The following PTPRD variants were observed in gnomAD, a reference collection of about 807,000 sequenced individuals.
PTPRD encodes protein tyrosine phosphatase receptor type D, also known as receptor-type tyrosine-protein phosphatase delta.
A neutral mutation model predicts 214.5 loss-of-function variants in PTPRD; 34 were observed. The ratio of observed to expected loss-of-function variants is 0.16; its 90% CI spans 0.12 to 0.21. The LOEUF is 0.21. Ranked by LOEUF, PTPRD falls within the 10% of genes least tolerant of loss-of-function variation. The pLI, the probability that PTPRD is intolerant of heterozygous loss-of-function variation, is 1.00. For missense variants in PTPRD, 2,545 were observed against 2,398.7 expected (o/e 1.06, Z -1.27); for synonymous variants, 1,128 against 845.7 (o/e 1.33, Z -5.79).
At chr9:10,362,865 G>T (rs954262977) in intron 2 of PTPRD, among the ~76,000 whole-genome samples, 1 of 152,170 alleles carries the variant, frequency 6.6e-6, no homozygotes, top group African/African-American at 2.4e-5. Flanking sequence ...GGGCGACAGA[G>T]TGAGACTTCA....
chr9:9,264,494 T>C (rs888530058), intron 9 of PTPRD, among the ~76,000 whole-genome samples: 2 of 151,420 alleles, frequency 1.3e-5, no homozygotes, highest in Non-Finnish European at 3.0e-5. Flanking sequence ...GAAAATATTT[T>C]TAAAAGATAA....
chr9:8,833,230 T>C (rs1017976744), intron 11 of PTPRD, among the ~76,000 whole-genome samples: 2 of 152,110 alleles, frequency 1.3e-5, no homozygotes, highest in Admixed American at 1.3e-4. Flanking sequence ...AATAACCATA[T>C]TGGACAGTAT....
At chr9:8,408,228 C>T (rs1002271230) in intron 35 of PTPRD, among the ~76,000 whole-genome samples, 54 of 152,260 alleles carry the variant, frequency 3.5e-4, no homozygotes, top group African/African-American at 1.3e-3. Context: ...GACCATGCAT[C>T]TTTTTTACTA....
chr9:8,547,360 G>A (rs1174195924), intron 14 of PTPRD, among the ~76,000 whole-genome samples: 2 of 152,138 alleles, frequency 1.3e-5, no homozygotes, highest in Non-Finnish European at 2.9e-5. Flanking sequence ...TAAAGATAGG[G>A]TTAAATAGGC....
intron 9 of PTPRD, among the ~76,000 whole-genome samples, chr9:9,258,100 GAT>G: frequency 6.7e-6 from 1 of 149,330 alleles, no homozygotes; most frequent in African/African-American, 2.4e-5. Flanking sequence ...GAGATAGATA[GAT>G]AGATAGATAG....
At chr9:9,901,164 C>G (rs2076310375) in intron 5 of PTPRD, among the ~76,000 whole-genome samples, 1 of 152,138 alleles carries the variant, frequency 6.6e-6, no homozygotes, top group African/African-American at 2.4e-5. Context: ...AGTGGATTTT[C>G]TGATATAACC....
intron 2 of PTPRD, among the ~76,000 whole-genome samples, chr9:10,454,359 T>C (rs2098887432): frequency 6.6e-6 from 1 of 151,640 alleles, no homozygotes; most frequent in Non-Finnish European, 1.5e-5. Context: ...TTTTACAGTC[T>C]AATCATGACA....
intron 2 of PTPRD, among the ~76,000 whole-genome samples, chr9:10,357,887 G>T (rs1408123651): frequency 1.3e-5 from 2 of 152,016 alleles, no homozygotes; most frequent in Non-Finnish European, 2.9e-5. Context: ...TAAAGAAAAA[G>T]AATTATATAA....
rs768402205 is a variant in PTPRD, at chr9:8,341,143, G to T, written c.5073C>A (p.Ile1691=). 2.5e-6 allele frequency: 4 copies of T among 1,612,710 alleles called. No individual in the cohort carries two copies. Among genetic ancestry groups the T allele is most frequent in the East Asian group, 4.5e-5 (2 of 44,834 alleles). The part of the protein sequence containing the change: ...YESTRVCLQP[I]RGVEGSDYIN... Reference sequence around the variant, plus strand: ...TGTAATCAGATCCTTCTACTCCACGGATAGGCTGCAGGCATACCCTTGTGG... The same window carrying T: ...TGTAATCAGATCCTTCTACTCCACGTATAGGCTGCAGGCATACCCTTGTGG... The change falls in exon 41 of 46, where the codon ATC becomes ATA. Residue 1691 remains isoleucine, a synonymous_variant. Coordinates refer to ENST00000381196, the MANE Select transcript of PTPRD (RefSeq NM_002839.4).
intron 11 of PTPRD, among the ~76,000 whole-genome samples, chr9:8,878,284 A>G (rs1327320172): frequency 6.6e-6 from 1 of 152,140 alleles, no homozygotes; most frequent in Non-Finnish European, 1.5e-5. Flanking sequence ...CCGGGCACAG[A>G]CAATACTTGG....
chr9:8,569,647 C>A (rs1594113071), intron 14 of PTPRD, among the ~76,000 whole-genome samples: 1 of 152,058 alleles, frequency 6.6e-6, no homozygotes, highest in East Asian at 1.9e-4. Flanking sequence ...GATTCCTTTT[C>A]ATTTATCTAA....
chr9:9,316,083 A>T (rs1028458389), intron 9 of PTPRD, among the ~76,000 whole-genome samples: 1 of 151,990 alleles, frequency 6.6e-6, no homozygotes, highest in African/African-American at 2.4e-5. Flanking sequence ...AAAACTCTAC[A>T]TATTGACAGT....
At chr9:8,561,655 T>C (rs1257055553) in intron 14 of PTPRD, among the ~76,000 whole-genome samples, 1 of 151,952 alleles carries the variant, frequency 6.6e-6, no homozygotes, top group South Asian at 2.1e-4. Flanking sequence ...ACCCTGCAAA[T>C]TGTCAGAAAA....
chr9:9,025,852 G>T (rs144786949), intron 10 of PTPRD, among the ~76,000 whole-genome samples: 1 of 152,018 alleles, frequency 6.6e-6, no homozygotes, highest in East Asian at 1.9e-4. Context: ...TGGATATTTA[G>T]CACTTAATAT....
chr9:8,347,777 C>T (rs1243235478), intron 39 of PTPRD, among the ~76,000 whole-genome samples: 1 of 152,156 alleles, frequency 6.6e-6, no homozygotes, highest in African/African-American at 2.4e-5. Context: ...TTTCTCTATG[C>T]ATACACAGAG....
intron 3 of PTPRD, among the ~76,000 whole-genome samples, chr9:10,320,463 T>C (rs1002088060): frequency 1.3e-5 from 2 of 152,086 alleles, no homozygotes; most frequent in African/African-American, 4.8e-5. Flanking sequence ...TCAACTGCTT[T>C]GTCATGTGCT....
At chr9:9,841,334 T>TTC (rs1323364509) in intron 5 of PTPRD, among the ~76,000 whole-genome samples, 1 of 152,134 alleles carries the variant, frequency 6.6e-6, no homozygotes, top group Non-Finnish European at 1.5e-5. Context: ...TATTCATAAT[T>TTC]TCTCTTACTA....
At position 9,852,944 on chromosome 9, in the gene PTPRD, G is replaced by T. The variant is rs529002126; in HGVS notation, c.-368+85563C>A. Among the ~76,000 whole-genome samples, 4 of 152,208 alleles carry T rather than the reference G, an allele frequency of 2.6e-5. No individual in the cohort carries two copies. The South Asian group carries it at 8.3e-4, about 32-fold the overall frequency. ...TGAGTGAATCAGCTGGATATCTAAT[G>T]GTGTTCCACAAACAAGGTTTTGGTT... On this transcript the variant is annotated intron_variant, in intron 5 of 45. Transcript: ENST00000381196.
chr9:10,139,017 C>T (rs1037914768), intron 3 of PTPRD, among the ~76,000 whole-genome samples: 2 of 151,994 alleles, frequency 1.3e-5, no homozygotes, highest in Admixed American at 1.3e-4. Flanking sequence ...TGCTATTCAA[C>T]ATAGTATTGG....
Sources: allele counts gnomAD v4.1 joint callset (sites outside exome capture counted in the v4.1 genomes callset), GRCh38; gene constraint gnomAD v4.1.1; transcripts MANE v1.5; gene names NCBI Gene and HGNC (gene_info 2026-07-23, HGNC 2026-07-21).